RNF130: variants seen among roughly 807,000 people sequenced by gnomAD.
RNF130 encodes E3 ubiquitin-protein ligase RNF130.
RNF130 carries 21 observed loss-of-function variants against 44.6 expected under a neutral mutation model. The observed-to-expected ratio is 0.47, with a 90% CI of 0.33 to 0.68. The LOEUF (loss-of-function observed/expected upper bound fraction) is 0.68. Among genes scored for constraint, RNF130 ranks in the 30% least tolerant of loss-of-function variants. The probability of loss-of-function intolerance (pLI) is 0.02; values close to 1 mark genes in which losing one functional copy is unlikely to be tolerated. For synonymous variants in RNF130, 214 were observed against 210.4 expected (o/e 1.02, Z -0.15); for missense variants, 479 against 560.6 (o/e 0.85, Z 1.47).
intron 3 of RNF130, among the ~76,000 whole-genome samples, chr5:179,988,421 T>C (rs963907377): frequency 3.9e-5 from 6 of 152,244 alleles, no homozygotes; most frequent in African/African-American, 1.4e-4. Context: ...ATCTTTATTA[T>C]TTCTTTCATT....
rs1325566066 is a variant in RNF130 at position 179,995,500 on chromosome 5, C to T, written c.694-15300G>A. Among the ~76,000 whole-genome samples, 4 of 152,178 alleles carry T rather than the reference C, an allele frequency of 2.6e-5. No homozygotes were observed. In the East Asian group the frequency reaches 5.8e-4, roughly 22 times the overall value. On this transcript the variant is annotated intron_variant, in intron 3 of 8. Coordinates refer to ENST00000521389, the MANE Select transcript of RNF130 (RefSeq NM_018434.6). ...TTTATAATGCTAACAGATGCTGCTT[C>T]TGCTGCTGCTGCTAGGCCACAGGAT...
At chr5:179,974,801 G>C in intron 5 of RNF130, among the ~76,000 whole-genome samples, 1 of 152,256 alleles carries the variant, frequency 6.6e-6, no homozygotes, top group Non-Finnish European at 1.5e-5. Flanking sequence ...CCAGCCAAGA[G>C]AACGAGGCCC....
At chr5:179,979,619 G>T (rs1309065210) in intron 4 of RNF130, among the ~76,000 whole-genome samples, 2 of 152,104 alleles carry the variant, frequency 1.3e-5, no homozygotes, top group Admixed American at 1.3e-4. Flanking sequence ...AGAGCTCTGA[G>T]GCGGGATGTC....
chr5:180,012,072 A>G (rs982725066), intron 3 of RNF130, among the ~76,000 whole-genome samples: 4 of 152,156 alleles, frequency 2.6e-5, no homozygotes, highest in Non-Finnish European at 5.9e-5. Context: ...TGGGTGTTTT[A>G]TATCTACTTT....
intron 1 of RNF130, 149 bp downstream of exon 1, chr5:180,071,307 C>A (rs1272835144): frequency 2.9e-6 from 2 of 680,944 alleles, no homozygotes; most frequent in Admixed American, 4.4e-5. Flanking sequence ...GCAGGCCGGG[C>A]TGTCCACGAC....
intron 5 of RNF130, among the ~76,000 whole-genome samples, chr5:179,975,296 C>A (rs577568989): frequency 2.0e-5 from 3 of 152,346 alleles, no homozygotes; most frequent in Admixed American, 2.0e-4. Context: ...GAGCCGCGCA[C>A]AGCCATCCTC....
chr5:180,007,112 T>C (rs1763477024), intron 3 of RNF130, among the ~76,000 whole-genome samples: 1 of 152,118 alleles, frequency 6.6e-6, no homozygotes, highest in South Asian at 2.1e-4. Flanking sequence ...TGATAACAGT[T>C]TGTGGGGGCC....
At chr5:179,967,872 G>A (rs542011552) in intron 6 of RNF130, among the ~76,000 whole-genome samples, 1 of 152,338 alleles carries the variant, frequency 6.6e-6, no homozygotes, top group Non-Finnish European at 1.5e-5. Context: ...ACTAAGTGAT[G>A]CTTAGGCTCA....
chr5:180,033,161 T>C (rs1764169697), intron 2 of RNF130, among the ~76,000 whole-genome samples: 1 of 144,680 alleles, frequency 6.9e-6, no homozygotes. Context: ...TTTTATTTTT[T>C]TGTAGAGACA....
In RNF130 at chr5:179,949,847, C is replaced by G. The variant is rs546174007; in HGVS notation, c.1150+16959G>C. Among the ~76,000 whole-genome samples the G allele has an allele frequency of 2.0e-5, 3 of 152,326 alleles. No individual in the cohort carries two copies. In the South Asian group the frequency reaches 6.2e-4, roughly 32 times the overall value. On this transcript the variant is annotated intron_variant, in intron 7 of 7. Transcript: ENST00000522208. ...GATGAGACCCCTCAGATCACCACCC[C>G]TCCTCAAGGAGCAATCTGTAATCAA... is the stretch of plus-strand genomic sequence containing the variant.
At chr5:180,001,226 G>A (rs1204187845) in intron 3 of RNF130, among the ~76,000 whole-genome samples, 1 of 152,026 alleles carries the variant, frequency 6.6e-6, no homozygotes, top group African/African-American at 2.4e-5. Context: ...AAGGCCTTTG[G>A]GGACCTACTA....
intron 7 of RNF130, among the ~76,000 whole-genome samples, chr5:179,938,283 T>C (rs1761924704): frequency 2.0e-5 from 3 of 152,010 alleles, no homozygotes. Flanking sequence ...GAAAACATTA[T>C]GGTAAGTGAA....
chr5:180,009,804 T>C (rs1374870950), intron 3 of RNF130, among the ~76,000 whole-genome samples: 1 of 152,240 alleles, frequency 6.6e-6, no homozygotes, highest in Admixed American at 6.5e-5. Flanking sequence ...TATGTGATTG[T>C]TCACAGCTGC....
At chr5:180,023,102 G>A (rs1763909010) in intron 2 of RNF130, among the ~76,000 whole-genome samples, 1 of 152,228 alleles carries the variant, frequency 6.6e-6, no homozygotes, top group South Asian at 2.1e-4. Context: ...TCATTTAGGA[G>A]TGGGAGTTTA....
chr5:180,047,460 T>C (rs938385726), intron 1 of RNF130, among the ~76,000 whole-genome samples: 2 of 152,194 alleles, frequency 1.3e-5, no homozygotes, highest in African/African-American at 2.4e-5. Flanking sequence ...AATGTTTTTT[T>C]CTGGCCCGGC....
At chr5:180,011,300 A>G (rs1452950604) in intron 3 of RNF130, among the ~76,000 whole-genome samples, 1 of 152,194 alleles carries the variant, frequency 6.6e-6, no homozygotes, top group Admixed American at 6.5e-5. Flanking sequence ...TACAAAACCC[A>G]AAAAAGGTCT....
Position 179,980,166 on chromosome 5 carries a change from C to T in RNF130, c.728G>A (p.Ser243Asn). The T allele has an allele frequency of 1.2e-6, 2 of 1,614,136 alleles. No individual in the cohort carries two copies. Among genetic ancestry groups the T allele is most frequent in the Non-Finnish European group, 1.7e-6 (2 of 1,180,012 alleles). ...CTTTACTGTCCTGGTTGTCAATTTA[C>T]TGATGGCTTTCTTGGCTGCATCTCC... is the stretch of plus-strand genomic sequence containing the variant. ...RLGDAAKKAI[S>N]KLTTRTVKKG... is the part of the protein sequence containing the mutation. The change falls in exon 4 of 9, where the codon AGT becomes AAT. Residue 243 changes from serine to asparagine, a missense_variant. Physicochemically the swap from Ser to Asn is conservative, Grantham distance 46. This residue lies in a region of RNF130 where 180 missense variants were observed against 275.1 expected (regional missense o/e 0.65). Transcript: ENST00000521389.
At chr5:179,964,392 G>A (rs1762399272) in intron 7 of RNF130, 1 of 152,162 alleles carries the variant, frequency 6.6e-6, no homozygotes, top group Non-Finnish European at 1.5e-5. Context: ...TATTTATTGA[G>A]AACCTCTAAA....
At chr5:180,007,211 G>A (rs1388352252) in intron 3 of RNF130, among the ~76,000 whole-genome samples, 1 of 152,006 alleles carries the variant, frequency 6.6e-6, no homozygotes, top group Non-Finnish European at 1.5e-5. Flanking sequence ...GACCAGCCTG[G>A]CCAACATGGT....
Sources: gnomAD v4.1 joint callset for allele counts (sites outside exome capture counted in the v4.1 genomes callset) on GRCh38, gnomAD v4.1.1 for gene constraint, gnomAD v4.1.1 regional missense constraint, MANE v1.5 for transcripts, NCBI Gene and HGNC (gene_info 2026-07-23, HGNC 2026-07-21) for gene names.